The following SCGB2A2 variants were observed in gnomAD, a reference collection of about 807,000 sequenced individuals.
SCGB2A2 encodes secretoglobin family 2A member 2, also known as mammaglobin-A.
A neutral mutation model predicts 8.8 loss-of-function variants in SCGB2A2; 11 were observed. The ratio of observed to expected loss-of-function variants is 1.25; its 90% CI spans 0.79 to 2.07. The LOEUF (loss-of-function observed/expected upper bound fraction) is 2.07. SCGB2A2 is among the 30% of genes most tolerant of loss of function. The probability of loss-of-function intolerance (pLI) is 0.00; values close to 1 mark genes in which losing one functional copy is unlikely to be tolerated. For synonymous variants in SCGB2A2, 42 were observed against 40.9 expected (o/e 1.03, Z -0.10); for missense variants, 113 against 109.9 (o/e 1.03, Z -0.13).
chr11:62,273,157 A>G lies in SCGB2A2; in HGVS notation c.*162A>G, dbSNP rs1945293233. Reference sequence around the variant, plus strand: ...TGTTTATTTTAATAAATTGATGGCAAAAACTGAAGTTTCTCTTTGTTCTAC... The same window carrying G: ...TGTTTATTTTAATAAATTGATGGCAGAAACTGAAGTTTCTCTTTGTTCTAC... On this transcript the variant is annotated 3_prime_UTR_variant, in exon 3 of 3. Coordinates refer to ENST00000227918, the MANE Select transcript of SCGB2A2 (RefSeq NM_002411.4). The G allele has an allele frequency of 3.8e-6, 2 of 521,220 alleles. No homozygotes were observed. The highest frequency in any genetic ancestry group is 6.6e-6 in the Non-Finnish European group (2 of 300,788). 32.3% of individuals were successfully genotyped at this position (521,220 alleles called of 1,614,324 possible). A position where few individuals can be genotyped will look rare whatever the true frequency, so the allele number is the denominator to read the frequency against.
At chr11:62,272,076 C>G (rs1404618616) in intron 2 of SCGB2A2, 3 of 337,954 alleles carry the variant, frequency 8.9e-6, no homozygotes, top group Non-Finnish European at 1.1e-5. Flanking sequence ...TAGAAATATA[C>G]CAAACCCCTC....
chr11:62,271,159 A>C, intron 2 of SCGB2A2, 91 bp downstream of exon 2: 6 of 1,607,062 alleles, frequency 3.7e-6, no homozygotes, highest in Non-Finnish European at 5.1e-6. Context: ...CAAAGCCACT[A>C]GTGAACAAGC....
chr11:62,271,507 A>T, intron 2 of SCGB2A2: 1 of 1,216,810 alleles, frequency 8.2e-7, no homozygotes, highest in South Asian at 2.5e-5. Context: ...ACACAGACAC[A>T]GACACAGACA....
Position 62,273,147 on chromosome 11 carries a change from A to C in SCGB2A2, c.*152A>C, listed in dbSNP as rs1945293204. 3 of 536,120 alleles carry C rather than the reference A, an allele frequency of 5.6e-6. No individual in the cohort carries two copies. Among genetic ancestry groups the C allele is most frequent in the Non-Finnish European group, 9.6e-6 (3 of 311,732 alleles). 33.2% of individuals were successfully genotyped at this position (536,120 alleles called of 1,614,324 possible). A position where few individuals can be genotyped will look rare whatever the true frequency, so the allele number is the denominator to read the frequency against. On this transcript the variant is annotated 3_prime_UTR_variant, in exon 3 of 3. Transcript: ENST00000227918. ...CTGCTATACATGTTTATTTTAATAA[A>C]TTGATGGCAAAAACTGAAGTTTCTC...
intron 1 of SCGB2A2, among the ~76,000 whole-genome samples, 165 bp from the exon 2 acceptor site, chr11:62,270,716 C>T (rs1945270576): frequency 6.6e-6 from 1 of 152,156 alleles, no homozygotes; most frequent in Non-Finnish European, 1.5e-5. Context: ...TACAGGAAAT[C>T]CCAGAGCCTG....
Position 62,273,056 on chromosome 11 carries a change from T to C in SCGB2A2, c.*61T>C. On this transcript the variant is annotated 3_prime_UTR_variant, in exon 3 of 3. Coordinates refer to ENST00000227918, the MANE Select transcript of SCGB2A2 (RefSeq NM_002411.4). ...GTATGGTGAGAAACCAACTACGGAT[T>C]GCTGCAAACCACACCTTCTCTTTCT... is the stretch of plus-strand genomic sequence containing the variant. The C allele has an allele frequency of 8.1e-7, 1 of 1,234,778 alleles. No homozygotes were observed. The highest frequency in any genetic ancestry group is 1.2e-6 in the Non-Finnish European group (1 of 856,222). 76.5% of individuals were successfully genotyped at this position (1,234,778 alleles called of 1,614,324 possible). A position where few individuals can be genotyped will look rare whatever the true frequency, so the allele number is the denominator to read the frequency against.
At chr11:62,271,508 GAC>G in intron 2 of SCGB2A2, 2 of 1,210,758 alleles carry the variant, frequency 1.7e-6, no homozygotes, top group Non-Finnish European at 2.1e-6. Context: ...CACAGACACA[GAC>G]ACAGACACAA....
Position 62,270,385 on chromosome 11 carries a change from T to C in SCGB2A2, c.55+114T>C, listed in dbSNP as rs1945267789. 6 of 970,852 alleles carry C rather than the reference T, an allele frequency of 6.2e-6. No homozygotes were observed. In the South Asian group the frequency reaches 8.1e-5, roughly 13 times the overall value. 60.1% of individuals were successfully genotyped at this position (970,852 alleles called of 1,614,324 possible). On this transcript the variant is annotated intron_variant, in intron 1 of 2. Transcript: ENST00000227918. ...GAGATCAGCCCCAGTACAAAGGCTG[T>C]AGGTATAACAGATCTCACCATGTTG...
rs528839932 is a variant in SCGB2A2, at chr11:62,271,880, A to G, written c.243+812A>G. 2.2e-4 allele frequency: 216 copies of G among 985,144 alleles called. 2 individuals are homozygous for G. In the South Asian group the frequency reaches 6.8e-3, roughly 31 times the overall value. The allele number at this position is 985,144 out of a possible 1,614,324, so 61.0% of individuals were successfully genotyped here. A position where few individuals can be genotyped will look rare whatever the true frequency, so the allele number is the denominator to read the frequency against. On this transcript the variant is annotated intron_variant, in intron 2 of 2. Coordinates refer to ENST00000227918, the MANE Select transcript of SCGB2A2 (RefSeq NM_002411.4). The stretch of plus-strand genomic sequence containing the variant: ...ATGATGAGAAACCTTGGACTATCCA[A>G]TAGGCAACTGTAGATCATGGGTATG...
At chr11:62,272,440 T>C (rs1945287020) in intron 2 of SCGB2A2, among the ~76,000 whole-genome samples, 1 of 152,138 alleles carries the variant, frequency 6.6e-6, no homozygotes. Context: ...AGATGTACAT[T>C]TTACCACTAT....
intron 2 of SCGB2A2, chr11:62,271,432 C>G: frequency 7.2e-7 from 1 of 1,389,616 alleles, no homozygotes; most frequent in Non-Finnish European, 9.3e-7. Context: ...AACACACAGA[C>G]ACAGTCACAA....
rs777763012 is a variant in SCGB2A2 at position 62,270,933 on chromosome 11, A to G, written c.108A>G (p.Gln36=). The G allele has an allele frequency of 1.9e-6, 3 of 1,614,194 alleles. No homozygotes were observed. Among genetic ancestry groups the G allele is most frequent in the Admixed American group, 3.3e-5 (2 of 60,024 alleles). Residue 36 remains glutamine, a synonymous_variant, in exon 2 of 3, where the codon CAA becomes CAG. Coordinates refer to ENST00000227918, the MANE Select transcript of SCGB2A2 (RefSeq NM_002411.4). ...ENVISKTINP[Q]VSKTEYKELL... ...TGATTTCCAAGACAATCAATCCACA[A>G]GTGTCTAAGACTGAATACAAAGAAC... is the stretch of plus-strand genomic sequence containing the variant.
rs368156432 is a variant in SCGB2A2, at chr11:62,270,179, G to A, written c.-38G>A. 2 of 1,610,264 alleles carry A rather than the reference G, an allele frequency of 1.2e-6. No homozygotes were observed. Among genetic ancestry groups the A allele is most frequent in the Non-Finnish European group, 1.7e-6 (2 of 1,177,044 alleles). On this transcript the variant is annotated 5_prime_UTR_variant, in exon 1 of 3. Coordinates refer to ENST00000227918, the MANE Select transcript of SCGB2A2 (RefSeq NM_002411.4). Reference sequence around the variant, plus strand: ...CTCCACAGCGGCTTCCTTGATCCTTGCCACCCGCGACTGAACACCGACAGC... The same window carrying A: ...CTCCACAGCGGCTTCCTTGATCCTTACCACCCGCGACTGAACACCGACAGC...
In SCGB2A2 at chr11:62,273,112, T is replaced by C; in HGVS notation, c.*117T>C. ...CTTTTTACTACAAACTACAAGACAA[T>C]TGTTGAAACCTGCTATACATGTTTA... is the stretch of plus-strand genomic sequence containing the variant. On this transcript the variant is annotated 3_prime_UTR_variant, in exon 3 of 3. Coordinates refer to ENST00000227918, the MANE Select transcript of SCGB2A2 (RefSeq NM_002411.4). The C allele has an allele frequency of 4.3e-6, 3 of 698,470 alleles. No individual in the cohort carries two copies. In the East Asian group the frequency reaches 8.3e-5, roughly 19 times the overall value. 43.3% of individuals were successfully genotyped at this position (698,470 alleles called of 1,614,324 possible).
intron 2 of SCGB2A2, 87 bp downstream of exon 2, chr11:62,271,155 C>A (rs1945275547): frequency 6.2e-7 from 1 of 1,607,478 alleles, no homozygotes; most frequent in Non-Finnish European, 8.5e-7. Context: ...ATGCCAAAGC[C>A]ACTAGTGAAC....
intron 1 of SCGB2A2, 35 bp downstream of exon 1, chr11:62,270,306 A>G (rs1742320104): frequency 6.2e-7 from 1 of 1,604,444 alleles, no homozygotes; most frequent in African/African-American, 1.3e-5. Context: ...CCTCGGGGTT[A>G]GGGGTTGTCA....
intron 2 of SCGB2A2, chr11:62,271,656 C>G (rs1945280145): frequency 7.0e-6 from 7 of 993,832 alleles, no homozygotes; most frequent in Non-Finnish European, 8.4e-6. Flanking sequence ...ACAGAAAAAA[C>G]AATTTTCCAG....
chr11:62,270,342 G>T, intron 1 of SCGB2A2, 71 bp downstream of exon 1: 2 of 1,366,898 alleles, frequency 1.5e-6, no homozygotes, highest in South Asian at 2.3e-5. Context: ...AAGAACTCCT[G>T]CTCCCCAATT....
At chr11:62,270,835 T>A (rs766139374) in intron 1 of SCGB2A2, 46 bp from the exon 2 acceptor site, 2 of 1,519,444 alleles carry the variant, frequency 1.3e-6, no homozygotes, top group Non-Finnish European at 1.8e-6. Context: ...CCCCAAGCCT[T>A]TCATGCCTTC....
Sources: gnomAD v4.1 joint callset for allele counts (sites outside exome capture counted in the v4.1 genomes callset) on GRCh38, gnomAD v4.1.1 for gene constraint, MANE v1.5 for transcripts, NCBI Gene and HGNC (gene_info 2026-07-23, HGNC 2026-07-21) for gene names.